Variants in PCDHA6 observed in about 807,000 individuals in gnomAD.
PCDHA6 encodes the protein protocadherin alpha-6.
A neutral mutation model predicts 60.3 loss-of-function variants in PCDHA6; 55 were observed. The ratio of observed to expected loss-of-function variants is 0.91; its 90% confidence interval spans 0.73 to 1.14. PCDHA6 has a LOEUF of 1.14. Among genes scored for constraint, PCDHA6 ranks in the 50% most tolerant of loss-of-function variants. PCDHA6 has a pLI of 0.00. For missense variants in PCDHA6, 1,327 were observed against 1,256.5 expected, an observed-to-expected ratio of 1.06 and a Z score of -0.85; for synonymous variants, 652 against 557.9, an observed-to-expected ratio of 1.17 and a Z score of -2.38.
intron 1 of PCDHA6, chr5:140,871,328 G>C: frequency 1.9e-6 from 3 of 1,614,128 alleles, no homozygotes; most frequent in Non-Finnish European, 2.5e-6. Flanking sequence ...GTGTGCTCCC[G>C]CGCGGTGGGG....
chr5:140,876,236 T>C (rs782328225), intron 1 of PCDHA6: 24 of 1,613,974 alleles, frequency 1.5e-5, no homozygotes, highest in Non-Finnish European at 1.4e-5. Flanking sequence ...TCTGAAAATG[T>C]CCAAAACGAC....
At chr5:140,841,572 T>C (rs1562389584) in intron 1 of PCDHA6, 4 of 1,613,982 alleles carry the variant, frequency 2.5e-6, no homozygotes, top group Middle Eastern at 1.7e-4. Flanking sequence ...AATGGCATTT[T>C]GTTTGTGAAT....
intron 1 of PCDHA6, chr5:140,850,246 C>A: frequency 1.9e-6 from 3 of 1,593,138 alleles, no homozygotes; most frequent in Non-Finnish European, 2.6e-6. Flanking sequence ...GTGCTGCGGT[C>A]GGTGGGCGCC....
intron 1 of PCDHA6, chr5:140,871,407 C>G: frequency 6.2e-7 from 1 of 1,614,070 alleles, no homozygotes; most frequent in Non-Finnish European, 8.5e-7. Context: ...AGACGGACCT[C>G]ATGGCCTTCA....
At chr5:140,836,622 A>G in intron 1 of PCDHA6, 1 of 1,613,448 alleles carries the variant, frequency 6.2e-7, no homozygotes, top group Non-Finnish European at 8.5e-7. Flanking sequence ...CGCGGTGGGG[A>G]GCTGGTCATT....
chr5:140,849,715 T>A (rs2150446343), intron 1 of PCDHA6: 2 of 1,598,584 alleles, frequency 1.3e-6, no homozygotes. Context: ...TACTACTCGT[T>A]GGTGCTGGAC....
At chr5:140,993,431 C>T (rs1171497178) in intron 3 of PCDHA6, among the ~76,000 whole-genome samples, 1 of 149,406 alleles carries the variant, frequency 6.7e-6, no homozygotes, top group African/African-American at 2.5e-5. Context: ...TTTTAAAATC[C>T]TTATTCATTC....
At chr5:140,894,143 T>G (rs1322881071) in intron 1 of PCDHA6, among the ~76,000 whole-genome samples, 1 of 152,158 alleles carries the variant, frequency 6.6e-6, no homozygotes, top group Non-Finnish European at 1.5e-5. Flanking sequence ...ATAATTCCCT[T>G]CTATGTAATT....
At chr5:140,883,697 G>A (rs376619145) in intron 1 of PCDHA6, 3 of 1,613,880 alleles carry the variant, frequency 1.9e-6, no homozygotes, top group South Asian at 1.1e-5. Flanking sequence ...CATCTTCACG[G>A]TGTCTGCTCA....
At chr5:140,856,405 C>A in intron 1 of PCDHA6, 1 of 1,598,432 alleles carries the variant, frequency 6.3e-7, no homozygotes, top group Non-Finnish European at 8.6e-7. Flanking sequence ...TCCATGTGGA[C>A]GTGGAAGTGA....
rs782761972 is a variant in PCDHA6, at chr5:140,927,978, T to C, written c.2395-50971T>C. 9.9e-6 allele frequency: 16 copies of C among 1,614,092 alleles called. No individual in the cohort carries two copies. In the East Asian group the frequency reaches 1.8e-4, roughly 18 times the overall value. ...CCCCTGGCACAGTGATTGCTCTCTTTAGTGTAAAGGATGAAGACCTCGATT... is the reference window on the plus strand; with the variant it reads ...CCCCTGGCACAGTGATTGCTCTCTTCAGTGTAAAGGATGAAGACCTCGATT... On this transcript the variant is annotated intron_variant, in intron 1 of 3. Coordinates refer to ENST00000529310, the MANE Select transcript of PCDHA6 (RefSeq NM_018909.4).
intron 1 of PCDHA6, among the ~76,000 whole-genome samples, chr5:140,878,370 T>C (rs1049956194): frequency 6.6e-6 from 1 of 152,272 alleles, no homozygotes; most frequent in African/African-American, 2.4e-5. Context: ...GTCTGACATA[T>C]GATGAATGAT....
chr5:140,983,228 A>G (rs1012242202), intron 3 of PCDHA6, among the ~76,000 whole-genome samples: 1 of 152,240 alleles, frequency 6.6e-6, no homozygotes, highest in South Asian at 2.1e-4. Flanking sequence ...CCAAACTTTC[A>G]GGAAAGAGAA....
chr5:140,869,205 C>G, intron 1 of PCDHA6: 1 of 1,613,994 alleles, frequency 6.2e-7, no homozygotes. Flanking sequence ...TCCACTACTC[C>G]GTCTCGGAGG....
intron 1 of PCDHA6, among the ~76,000 whole-genome samples, chr5:140,917,503 T>G (rs1423295268): frequency 6.6e-6 from 1 of 152,208 alleles, no homozygotes; most frequent in African/African-American, 2.4e-5. Flanking sequence ...AGAATGATAT[T>G]TTCTAGGTTT....
At chr5:140,883,504 C>G in intron 1 of PCDHA6, 1 of 1,614,172 alleles carries the variant, frequency 6.2e-7, no homozygotes, top group East Asian at 2.2e-5. Context: ...TGGACAGCGC[C>G]CTGGACCGCG....
chr5:140,834,254 G>T (rs1019839548), intron 1 of PCDHA6: 1 of 927,248 alleles, frequency 1.1e-6, no homozygotes, highest in Non-Finnish European at 1.6e-6. Context: ...CTGGAAAGAC[G>T]CTCCACTCTC....
Position 140,835,939 on chromosome 5 carries a change from C to T in PCDHA6, c.2394+5454C>T, listed in dbSNP as rs1352596879. ...CACGCGGAGAGCGGCAAGGTGTACGCGCTGCAGCCGTTGGACCACGAGGAG... is the reference window on the plus strand; with the variant it reads ...CACGCGGAGAGCGGCAAGGTGTACGTGCTGCAGCCGTTGGACCACGAGGAG... On this transcript the variant is annotated intron_variant, in intron 1 of 3. Coordinates refer to ENST00000529310, the MANE Select transcript of PCDHA6 (RefSeq NM_018909.4). 4 of 1,612,400 alleles carry T rather than the reference C, an allele frequency of 2.5e-6. No homozygotes were observed. The African/African-American group carries it at 5.3e-5, about 22-fold the overall frequency.
At chr5:140,895,351 T>C (rs1367078085) in intron 1 of PCDHA6, among the ~76,000 whole-genome samples, 2 of 152,180 alleles carry the variant, frequency 1.3e-5, no homozygotes, top group Admixed American at 1.3e-4. Context: ...TGCTTTCCAG[T>C]GAGTACTTAT....
Sources: gnomAD v4.1 joint callset for allele counts (sites outside exome capture counted in the v4.1 genomes callset) on GRCh38, gnomAD v4.1.1 for gene constraint, MANE v1.5 for transcripts, NCBI Gene and HGNC (gene_info 2026-07-23, HGNC 2026-07-21) for gene names.